The following STPG2 variants were observed in gnomAD, a reference collection of about 807,000 sequenced individuals.
STPG2 encodes the protein sperm-tail PG-rich repeat-containing protein 2.
Under a neutral mutation model 54.2 loss-of-function variants are expected in STPG2, and 56 were observed. The ratio of observed to expected loss-of-function variants is 1.03; its 90% CI spans 0.83 to 1.29. The LOEUF (loss-of-function observed/expected upper bound fraction) is 1.29. Ranked by LOEUF, STPG2 falls within the 50% of genes most tolerant of loss-of-function variation. STPG2 has a pLI of 0.00. For missense variants in STPG2, 596 were observed against 544.9 expected, an observed-to-expected ratio of 1.09 and a Z score of -0.93; for synonymous variants, 200 against 181.8, an observed-to-expected ratio of 1.10 and a Z score of -0.81.
At chr4:97,715,475 G>C (rs1578502356) in intron 9 of STPG2, among the ~76,000 whole-genome samples, 3 of 152,084 alleles carry the variant, frequency 2.0e-5, no homozygotes, top group African/African-American at 7.2e-5. Context: ...GGCAAAAATG[G>C]AACATAACAG....
At chr4:98,029,905 T>C (rs748778527) in intron 5 of STPG2, among the ~76,000 whole-genome samples, 1 of 152,090 alleles carries the variant, frequency 6.6e-6, no homozygotes, top group African/African-American at 2.4e-5. Context: ...CCAAATGCAA[T>C]ATATATTATC....
intron 10 of STPG2, among the ~76,000 whole-genome samples, chr4:97,615,664 T>A (rs1733842426): frequency 6.6e-6 from 1 of 152,000 alleles, no homozygotes; most frequent in Non-Finnish European, 1.5e-5. Context: ...TACCGATATA[T>A]CAATTGTTTG....
intron 8 of STPG2, among the ~76,000 whole-genome samples, chr4:97,853,433 A>T (rs1313167877): frequency 6.6e-6 from 1 of 152,234 alleles, no homozygotes; most frequent in Non-Finnish European, 1.5e-5. Flanking sequence ...AAATAAAAAA[A>T]TTTTAAAAGA....
chr4:97,743,115 A>G (rs1354460637), intron 9 of STPG2, among the ~76,000 whole-genome samples: 4 of 151,800 alleles, frequency 2.6e-5, no homozygotes, highest in Admixed American at 1.3e-4. Flanking sequence ...GACAGTAAGA[A>G]AAGCAATTCT....
chr4:97,900,568 T>C (rs1331285289), intron 8 of STPG2, among the ~76,000 whole-genome samples: 2 of 152,050 alleles, frequency 1.3e-5, no homozygotes, highest in East Asian at 1.9e-4. Flanking sequence ...GTGGTGTATA[T>C]ACACAATGAA....
At chr4:97,603,733 C>CA (rs1733523629) in intron 10 of STPG2, among the ~76,000 whole-genome samples, 1 of 151,460 alleles carries the variant, frequency 6.6e-6, no homozygotes, top group Admixed American at 6.6e-5. Context: ...AAGTCAGTCA[C>CA]AAAAAGGCAA....
intron 5 of STPG2, among the ~76,000 whole-genome samples, chr4:98,059,075 T>A (rs1227911219): frequency 3.4e-5 from 5 of 148,672 alleles, no homozygotes; most frequent in Admixed American, 6.7e-5. Flanking sequence ...TTTGAAAAAA[T>A]TAGTAAGATA....
intron 8 of STPG2, among the ~76,000 whole-genome samples, chr4:97,940,850 G>A (rs1332312637): frequency 6.7e-6 from 1 of 149,040 alleles, no homozygotes. Context: ...TGTCATACAT[G>A]AGCTAAAATG....
chr4:97,560,308 T>A (rs1732192103), intron 10 of STPG2, among the ~76,000 whole-genome samples: 1 of 152,198 alleles, frequency 6.6e-6, no homozygotes. Context: ...AAATCTAATG[T>A]GCTCTGTCAT....
chr4:97,819,958 T>A (rs1560540664), intron 9 of STPG2, among the ~76,000 whole-genome samples: 1 of 152,068 alleles, frequency 6.6e-6, no homozygotes, highest in Non-Finnish European at 1.5e-5. Flanking sequence ...CTGTTGGGAT[T>A]GGTTTTTTGT....
At chr4:98,077,225 TTTGTTGTTG>T (rs56140336) in intron 5 of STPG2, among the ~76,000 whole-genome samples, 14 of 148,680 alleles carry the variant, frequency 9.4e-5, no homozygotes, top group Non-Finnish European at 1.3e-4. Flanking sequence ...CCTCAATAGT[TTTGTTGTTG>T]TTGTTGTTGT....
chr4:97,891,754 A>T (rs1730778202), intron 8 of STPG2, among the ~76,000 whole-genome samples: 2 of 152,248 alleles, frequency 1.3e-5, no homozygotes, highest in Admixed American at 6.6e-5. Flanking sequence ...GAAGAAGAGG[A>T]TGAATTTTCT....
chr4:97,543,439 A>AC (rs1731765164), intron 4 of STPG2, among the ~76,000 whole-genome samples: 1 of 151,900 alleles, frequency 6.6e-6, no homozygotes, highest in East Asian at 1.9e-4. Flanking sequence ...TGTAATAATA[A>AC]CATGCCAATT....
intron 5 of STPG2, among the ~76,000 whole-genome samples, chr4:98,063,176 C>A (rs1380711667): frequency 2.0e-5 from 3 of 152,086 alleles, no homozygotes; most frequent in Non-Finnish European, 2.9e-5. Context: ...CTAGGCTGGG[C>A]ACGGTGGCTC....
chr4:98,051,990 G>T (rs1820486), intron 5 of STPG2, among the ~76,000 whole-genome samples: 1 of 151,312 alleles, frequency 6.6e-6, no homozygotes, highest in African/African-American at 2.4e-5. Flanking sequence ...AAGAGGCTGA[G>T]GCAGGAGAAT....
rs1216590834 is a variant in STPG2, at chr4:98,044,765, C to G, written c.612+61188G>C. On this transcript the variant is annotated intron_variant, in intron 5 of 10. Coordinates refer to ENST00000295268, the MANE Select transcript of STPG2 (RefSeq NM_174952.3). The stretch of plus-strand genomic sequence containing the variant: ...GATCAGAATGTTCACACTGGTTAAT[C>G]TTTTTCTAACAATGAGCATGAAAGG... Among the ~76,000 whole-genome samples the G allele has an allele frequency of 2.6e-5, 4 of 152,106 alleles. No homozygotes were observed. In the East Asian group the frequency reaches 7.7e-4, roughly 29 times the overall value.
chr4:97,802,652 G>A (rs906995816), intron 9 of STPG2, among the ~76,000 whole-genome samples: 1 of 151,962 alleles, frequency 6.6e-6, no homozygotes, highest in African/African-American at 2.4e-5. Context: ...TGTATTTTTA[G>A]TAGAGATGGG....
chr4:97,534,989 T>G lies in STPG2; in HGVS notation c.462+177710A>C, dbSNP rs542718150. ...TGTTATTGAATACTTTTCTATTTGA[T>G]GAATGTAATGCAATTTGTATATCCA... On this transcript the variant is annotated intron_variant, in intron 4 of 4. Transcript: ENST00000522676. 2.3e-4 allele frequency among the ~76,000 whole-genome samples: 35 copies of G among 152,348 alleles called. 1 individual carries two copies. Among genetic ancestry groups the G allele is most frequent in the African/African-American group, 8.2e-4 (34 of 41,590 alleles).
chr4:97,967,118 C>T (rs1734131335), intron 7 of STPG2, among the ~76,000 whole-genome samples: 1 of 145,902 alleles, frequency 6.9e-6, no homozygotes, highest in South Asian at 2.2e-4. Context: ...AGATCCATCT[C>T]ACATGCAGAG....
Sources: allele counts gnomAD v4.1 joint callset (sites outside exome capture counted in the v4.1 genomes callset), GRCh38; gene constraint gnomAD v4.1.1; transcripts MANE v1.5; gene names NCBI Gene and HGNC (gene_info 2026-07-23, HGNC 2026-07-21).